The following CCDC88A variants were observed in gnomAD, a reference collection of about 807,000 sequenced individuals.
CCDC88A encodes girdin.
A neutral mutation model predicts 234.3 loss-of-function variants in CCDC88A; 54 were observed. That is an observed-to-expected ratio of 0.23 (90% CI 0.19 to 0.29). The LOEUF (loss-of-function observed/expected upper bound fraction) is 0.29, where lower values mean the gene tolerates loss of function less well. Ranked by LOEUF, CCDC88A falls within the 10% of genes least tolerant of loss-of-function variation. CCDC88A has a pLI of 1.00. For synonymous variants in CCDC88A, 753 were observed against 737.8 expected (o/e 1.02, Z -0.33); for missense variants, 1,832 against 2,123.4 (o/e 0.86, Z 2.70).
chr2:55,316,159 C>T, intron 21 of CCDC88A, 45 bp from the exon 22 acceptor site: 1 of 805,378 alleles, frequency 1.2e-6, no homozygotes, highest in South Asian at 2.5e-5. Flanking sequence ...ATCTTAATAG[C>T]TTTTGGTGTA....
intron 29 of CCDC88A, among the ~76,000 whole-genome samples, chr2:55,297,393 T>G (rs1680309901): frequency 8.6e-6 from 1 of 116,266 alleles, no homozygotes; most frequent in South Asian, 2.3e-4. Flanking sequence ...ATATATATTA[T>G]ATATAAATAT....
At chr2:55,350,374 T>G (rs1043106294) in intron 8 of CCDC88A, 1 of 152,192 alleles carries the variant, frequency 6.6e-6, no homozygotes, top group Admixed American at 6.5e-5. Flanking sequence ...TTCTGCCCTG[T>G]AGCCTATAAA....
chr2:55,311,010 T>C (rs1455475518), intron 23 of CCDC88A, among the ~76,000 whole-genome samples: 1 of 152,196 alleles, frequency 6.6e-6, no homozygotes, highest in Non-Finnish European at 1.5e-5. Flanking sequence ...TAAGTCAGAA[T>C]AGATCATAAT....
chr2:55,352,426 C>CAAA lies in CCDC88A; in HGVS notation c.801-2830_801-2828dup, dbSNP rs34722805. ...TGGGCAACAGAGTGAGACTCCATCT[C>CAAA]AAAAAAAAAACACACAAAAAAACAC... On this transcript the variant is annotated intron_variant, in intron 8 of 32. Transcript: ENST00000436346. 7.7e-5 allele frequency among the ~76,000 whole-genome samples: 11 copies of CAAA among 143,310 alleles called. No individual in the cohort carries two copies. In the East Asian group the frequency reaches 1.0e-3, roughly 13 times the overall value. 94.0% of individuals were successfully genotyped at this position (143,310 alleles called of 152,430 possible).
intron 3 of CCDC88A, among the ~76,000 whole-genome samples, chr2:55,387,574 G>T (rs1327854157): frequency 2.0e-5 from 3 of 151,914 alleles, no homozygotes; most frequent in Non-Finnish European, 4.4e-5. Flanking sequence ...TTGCGGTCAG[G>T]AGTTTGAGAC....
intron 18 of CCDC88A, among the ~76,000 whole-genome samples, chr2:55,321,760 G>C (rs1287852975): frequency 6.6e-6 from 1 of 152,148 alleles, no homozygotes; most frequent in South Asian, 2.1e-4. Flanking sequence ...ATTTGTTAAA[G>C]AAATATACTT....
intron 14 of CCDC88A, 60 bp downstream of exon 14, chr2:55,336,621 A>G (rs898493918): frequency 9.2e-7 from 1 of 1,082,032 alleles, no homozygotes; most frequent in Non-Finnish European, 1.3e-6. Context: ...CATATATTTT[A>G]AATAACTTTT....
At position 55,312,426 on chromosome 2, in the gene CCDC88A, G is replaced by T. The variant is rs1212350547; in HGVS notation, c.4079+8C>A. 6.2e-7 allele frequency: 1 copy of T among 1,605,268 alleles called. No homozygotes were observed. Among genetic ancestry groups the T allele is most frequent in the Non-Finnish European group, 8.5e-7 (1 of 1,175,320 alleles). On this transcript the variant is annotated splice_region_variant and intron_variant, in intron 23 of 32. Transcript: ENST00000436346. The stretch of plus-strand genomic sequence containing the variant: ...ATATTTCAGAGTGCAAAATTATTTG[G>T]TACCTACATGTACTGTCTTTGTTCA...
intron 2 of CCDC88A, among the ~76,000 whole-genome samples, chr2:55,411,981 G>C (rs2104988742): frequency 6.6e-6 from 1 of 152,078 alleles, no homozygotes; most frequent in Non-Finnish European, 1.5e-5. Context: ...GGGAAAGAGA[G>C]AGAACAAACA....
In CCDC88A at chr2:55,343,705, A is replaced by T; in HGVS notation, c.1276T>A (p.Ser426Thr). The change falls in exon 12 of 33, where the codon TCA becomes ACA. Residue 426 changes from serine (S) to threonine (T), a missense_variant. Around this residue, in one of 6 missense-constraint regions of CCDC88A, gnomAD observed 1,282 missense variants for 1,543.6 expected, o/e 0.83. Coordinates refer to ENST00000436346, the MANE Select transcript of CCDC88A (RefSeq NM_001365480.1). ...TCCAGTTCCCAGCCAAGATGTAATGATTCATCCATACTTTGTTTCTGTGCC... is the reference window on the plus strand; with the variant it reads ...TCCAGTTCCCAGCCAAGATGTAATGTTTCATCCATACTTTGTTTCTGTGCC... ...EMAQKQSMDESLHLGWELEQI... is the reference protein window; with the variant it reads ...EMAQKQSMDETLHLGWELEQI... The T allele has an allele frequency of 1.2e-6, 2 of 1,612,176 alleles. No homozygotes were observed. Among genetic ancestry groups the T allele is most frequent in the Non-Finnish European group, 1.7e-6 (2 of 1,178,822 alleles).
intron 2 of CCDC88A, among the ~76,000 whole-genome samples, chr2:55,411,090 C>G (rs1044347345): frequency 1.3e-5 from 2 of 152,110 alleles, no homozygotes; most frequent in Non-Finnish European, 2.9e-5. Flanking sequence ...CCAAAAGCAG[C>G]CAGTTTACTA....
At chr2:55,323,400 A>G (rs929997346) in intron 17 of CCDC88A, 5 of 152,216 alleles carry the variant, frequency 3.3e-5, no homozygotes, top group Admixed American at 6.5e-5. Context: ...ACAACTTAAG[A>G]AAGCCTATGA....
intron 2 of CCDC88A, chr2:55,406,248 G>A (rs982682570): frequency 1.3e-5 from 2 of 151,750 alleles, no homozygotes; most frequent in Admixed American, 6.6e-5. Flanking sequence ...CATTTGCAAA[G>A]ATATGAAATA....
intron 2 of CCDC88A, among the ~76,000 whole-genome samples, chr2:55,389,606 T>C (rs940151778): frequency 1.8e-4 from 27 of 152,214 alleles, no homozygotes; most frequent in Non-Finnish European, 1.5e-5. Context: ...GTTCCTTCCC[T>C]AAACAGATTA....
Position 55,301,948 on chromosome 2 carries a change from G to C in CCDC88A, c.4596C>G (p.Phe1532Leu). The C allele has an allele frequency of 1.2e-6, 2 of 1,614,144 alleles. No individual in the cohort carries two copies. The highest frequency in any genetic ancestry group is 8.5e-7 in the Non-Finnish European group (1 of 1,180,004). The change falls in exon 27 of 33, where the codon TTC becomes TTG. Residue 1532 changes from phenylalanine to leucine, a missense_variant. Around this residue, in one of 6 missense-constraint regions of CCDC88A, gnomAD observed 422 missense variants for 416.5 expected, o/e 1.01. Transcript: ENST00000436346. ...TTGAAAAGTTGATGGCTGTAGTAGA[G>C]AAGGCCATAGCTCCCAATTCTTTTC... is the stretch of plus-strand genomic sequence containing the variant. ...KRRKELGAMAFSTTAINFSTV... is the reference protein window; with the variant it reads ...KRRKELGAMALSTTAINFSTV...
intron 7 of CCDC88A, among the ~76,000 whole-genome samples, chr2:55,358,737 C>A (rs1311631941): frequency 6.6e-6 from 1 of 151,724 alleles, no homozygotes; most frequent in African/African-American, 2.4e-5. Context: ...TGGCTTTTTT[C>A]TCTATGTTCT....
intron 22 of CCDC88A, chr2:55,314,778 T>G (rs1378453844): frequency 1.3e-5 from 2 of 152,260 alleles, no homozygotes; most frequent in Non-Finnish European, 2.9e-5. Flanking sequence ...AACTAGCACC[T>G]GGATCAAGAA....
chr2:55,414,247 G>C (rs931031851), intron 2 of CCDC88A, among the ~76,000 whole-genome samples: 1 of 152,126 alleles, frequency 6.6e-6, no homozygotes, highest in Non-Finnish European at 1.5e-5. Flanking sequence ...TAAAATTTTA[G>C]GAGTATGAAA....
At chr2:55,372,151 G>A (rs150358729) in intron 5 of CCDC88A, among the ~76,000 whole-genome samples, 66 of 152,052 alleles carry the variant, frequency 4.3e-4, no homozygotes, top group Admixed American at 9.8e-4. Flanking sequence ...TTTGGGAGCG[G>A]TTTTTAAGGG....
Sources: gnomAD v4.1 joint callset for allele counts (sites outside exome capture counted in the v4.1 genomes callset) on GRCh38, gnomAD v4.1.1 for gene constraint, gnomAD v4.1.1 regional missense constraint, MANE v1.5 for transcripts, NCBI Gene and HGNC (gene_info 2026-07-23, HGNC 2026-07-21) for gene names.